Variants in SCAPER observed in about 807,000 individuals in gnomAD.
SCAPER encodes the protein S phase cyclin A-associated protein in the endoplasmic reticulum.
Under a neutral mutation model 182.2 loss-of-function variants are expected in SCAPER, and 98 were observed. That is an observed-to-expected ratio of 0.54 (90% CI 0.46 to 0.64). The LOEUF (loss-of-function observed/expected upper bound fraction) is 0.64. SCAPER is among the 30% of genes least tolerant of loss of function. SCAPER has a pLI of 0.00. For missense variants in SCAPER, 1,432 were observed against 1,690.0 expected, an observed-to-expected ratio of 0.85 and a Z score of 2.68; for synonymous variants, 605 against 564.6, an observed-to-expected ratio of 1.07 and a Z score of -1.01.
intron 27 of SCAPER, among the ~76,000 whole-genome samples, chr15:76,396,300 A>C (rs564805918): frequency 2.9e-3 from 442 of 152,262 alleles, no homozygotes; most frequent in African/African-American, 0.01. Flanking sequence ...AGCTTTGGCT[A>C]TTCTGGGTCT....
intron 22 of SCAPER, 42 bp from the exon 23 acceptor site, chr15:76,574,326 A>G: frequency 6.3e-7 from 1 of 1,594,282 alleles, no homozygotes; most frequent in Non-Finnish European, 8.6e-7. Flanking sequence ...TTAATGAAAC[A>G]GACTATAATC....
At chr15:76,497,228 A>G (rs1198854856) in intron 24 of SCAPER, among the ~76,000 whole-genome samples, 1 of 151,248 alleles carries the variant, frequency 6.6e-6, no homozygotes, top group Non-Finnish European at 1.5e-5. Flanking sequence ...CAAATACCTA[A>G]GAAAAAAAAT....
chr15:76,660,496 A>G (rs2056055645), intron 21 of SCAPER, among the ~76,000 whole-genome samples: 1 of 152,214 alleles, frequency 6.6e-6, no homozygotes. Context: ...CAGTATTTAC[A>G]ATAGCAAAAA....
At chr15:76,711,183 T>A (rs974065143) in intron 17 of SCAPER, among the ~76,000 whole-genome samples, 1 of 152,152 alleles carries the variant, frequency 6.6e-6, no homozygotes, top group Non-Finnish European at 1.5e-5. Context: ...GTATATAAAA[T>A]GAAAATTTGA....
At chr15:76,780,690 A>C (rs1179040443) in intron 8 of SCAPER, among the ~76,000 whole-genome samples, 14 of 152,202 alleles carry the variant, frequency 9.2e-5, no homozygotes, top group Admixed American at 9.2e-4. Context: ...AGGAAGGATC[A>C]GGCAGCAATA....
chr15:76,555,097 T>TA lies in SCAPER; in HGVS notation c.2838+19060dup, dbSNP rs549768853. ...CACCCAGCCATATATTCAGCATTCT[T>TA]AAAAAAAACTTCAATAAAGAATTTC... On this transcript the variant is annotated intron_variant, in intron 23 of 31. Coordinates refer to ENST00000563290, the MANE Select transcript of SCAPER (RefSeq NM_020843.4). Among the ~76,000 whole-genome samples the TA allele has an allele frequency of 2.0e-5, 3 of 151,858 alleles. 1 individual carries two copies. In the South Asian group the frequency reaches 6.2e-4, roughly 31 times the overall value.
Position 76,496,227 on chromosome 15 carries a change from C to CTT in SCAPER, c.2954+8630_2954+8631dup, listed in dbSNP as rs35760422. On this transcript the variant is annotated intron_variant, in intron 24 of 31. Coordinates refer to ENST00000563290, the MANE Select transcript of SCAPER (RefSeq NM_020843.4). ...AATGTTTAAGTTTCTCATTAACAAC[C>CTT]TTTTTTTTTTTAATTAAAAAGCTGG... 7.8e-4 allele frequency among the ~76,000 whole-genome samples: 117 copies of CTT among 149,474 alleles called. 1 individual carries two copies. Among genetic ancestry groups the CTT allele is most frequent in the South Asian group, 4.8e-3 (23 of 4,760 alleles).
intron 15 of SCAPER, among the ~76,000 whole-genome samples, chr15:76,749,555 A>G (rs997709991): frequency 2.0e-5 from 3 of 152,072 alleles, no homozygotes; most frequent in African/African-American, 7.2e-5. Flanking sequence ...AATAGACCTA[A>G]TAAGTGAGTT....
chr15:76,676,066 C>T (rs917613758), intron 20 of SCAPER, among the ~76,000 whole-genome samples: 2 of 152,196 alleles, frequency 1.3e-5, no homozygotes, highest in African/African-American at 4.8e-5. Flanking sequence ...CTCAGGTGAT[C>T]CACCCACCTC....
intron 24 of SCAPER, among the ~76,000 whole-genome samples, chr15:76,475,987 C>T (rs560756119): frequency 1.3e-4 from 20 of 152,296 alleles, no homozygotes; most frequent in African/African-American, 4.6e-4. Context: ...TACTGGTTTA[C>T]ATATCCTTCC....
intron 22 of SCAPER, among the ~76,000 whole-genome samples, chr15:76,586,337 G>A (rs2048654569): frequency 6.6e-6 from 1 of 152,084 alleles, no homozygotes; most frequent in South Asian, 2.1e-4. Flanking sequence ...AAGGTACATG[G>A]TCTAAATTTA....
intron 22 of SCAPER, among the ~76,000 whole-genome samples, chr15:76,619,458 G>C (rs1395614683): frequency 6.6e-6 from 1 of 152,200 alleles, no homozygotes; most frequent in Non-Finnish European, 1.5e-5. Flanking sequence ...GAGTGGAATG[G>C]CGGGGAGTAT....
intron 28 of SCAPER, 29 bp from the exon 29 acceptor site, chr15:76,376,340 C>T: frequency 6.3e-7 from 1 of 1,589,078 alleles, no homozygotes; most frequent in Non-Finnish European, 8.6e-7. Flanking sequence ...AGTTAGAAGC[C>T]CTCAGCCCAG....
intron 21 of SCAPER, among the ~76,000 whole-genome samples, chr15:76,661,967 G>C (rs764826327): frequency 1.3e-5 from 2 of 152,190 alleles, no homozygotes; most frequent in African/African-American, 2.4e-5. Flanking sequence ...TAAAGAAAAT[G>C]TGGTACATAT....
chr15:76,739,305 T>C (rs2061432204), intron 15 of SCAPER, among the ~76,000 whole-genome samples: 1 of 152,226 alleles, frequency 6.6e-6, no homozygotes, highest in Non-Finnish European at 1.5e-5. Flanking sequence ...TTCTTACCAC[T>C]GATTTCAGTA....
At chr15:76,633,205 T>C (rs1366916980) in intron 21 of SCAPER, among the ~76,000 whole-genome samples, 6 of 152,182 alleles carry the variant, frequency 3.9e-5, no homozygotes, top group Non-Finnish European at 4.4e-5. Context: ...TTGCTGGGGA[T>C]CTACTCCAGA....
At chr15:76,748,998 A>C (rs1177507327) in intron 15 of SCAPER, among the ~76,000 whole-genome samples, 1 of 151,992 alleles carries the variant, frequency 6.6e-6, no homozygotes, top group Non-Finnish European at 1.5e-5. Context: ...AGATGATAGA[A>C]CCCTTCCTAA....
rs114156225 is a variant in SCAPER, at chr15:76,887,531, C to T, written c.-59-3655G>A. ...ATGCCTGGCTCGGTGGGTCCCACAC[C>T]CACGGAGCCTTGTCACTGCTAGTGT... On this transcript the variant is annotated intron_variant, in intron 1 of 31. Coordinates refer to ENST00000563290, the MANE Select transcript of SCAPER (RefSeq NM_020843.4). Among the ~76,000 whole-genome samples the T allele has an allele frequency of 9.1e-3, 1,393 of 152,298 alleles. 27 individuals carry two copies. The highest frequency in any genetic ancestry group is 0.031 in the African/African-American group (1,302 of 41,572).
chr15:76,805,588 C>T (rs2066096616), intron 5 of SCAPER, among the ~76,000 whole-genome samples: 1 of 140,482 alleles, frequency 7.1e-6, no homozygotes, highest in African/African-American at 2.7e-5. Context: ...GAGACGGAGT[C>T]TCGCTCTGTC....
Sources: gnomAD v4.1 joint callset for allele counts (sites outside exome capture counted in the v4.1 genomes callset) on GRCh38, gnomAD v4.1.1 for gene constraint, MANE v1.5 for transcripts, NCBI Gene and HGNC (gene_info 2026-07-23, HGNC 2026-07-21) for gene names.